Variants in ARHGEF26 observed in about 807,000 individuals in gnomAD.
ARHGEF26 encodes Rho guanine nucleotide exchange factor 26.
In ARHGEF26, 59 loss-of-function variants were observed where a neutral mutation model predicts 89.4. That is an observed-to-expected ratio of 0.66 (90% CI 0.54 to 0.82). The LOEUF (loss-of-function observed/expected upper bound fraction) is 0.82. Among genes scored for constraint, ARHGEF26 ranks in the 40% least tolerant of loss-of-function variants. The pLI is 0.00. For missense variants in ARHGEF26, 1,234 were observed against 1,085.6 expected (o/e 1.14, Z -1.92); for synonymous variants, 500 against 428.4 (o/e 1.17, Z -2.06).
intron 8 of ARHGEF26, among the ~76,000 whole-genome samples, chr3:154,194,182 G>A (rs1221114853): frequency 6.6e-6 from 1 of 152,076 alleles, no homozygotes; most frequent in Non-Finnish European, 1.5e-5. Flanking sequence ...TAATAATAAT[G>A]ATTATAATGG....
chr3:154,132,044 C>T (rs1718709553), intron 4 of ARHGEF26, among the ~76,000 whole-genome samples: 1 of 152,024 alleles, frequency 6.6e-6, no homozygotes, highest in Non-Finnish European at 1.5e-5. Flanking sequence ...TCCCGGGAGG[C>T]TTGTGTGTGT....
rs1044340307 is a variant in ARHGEF26 at position 154,256,567 on chromosome 3, A to C, written c.*1094A>C. Reference sequence around the variant, plus strand: ...ATTAATTAAAAAAAAAAAAAAAAAAAAAAAAAAACCTTCCCAAATGAGCTG... The same window carrying C: ...ATTAATTAAAAAAAAAAAAAAAAAACAAAAAAAACCTTCCCAAATGAGCTG... On this transcript the variant is annotated 3_prime_UTR_variant, in exon 15 of 15. Coordinates refer to ENST00000465093, the MANE Select transcript of ARHGEF26 (RefSeq NM_015595.4). 53 of 1,000,574 alleles carry C rather than the reference A, an allele frequency of 5.3e-5. No individual in the cohort carries two copies. The highest frequency in any genetic ancestry group is 2.3e-4 in the African/African-American group (13 of 56,022). The allele number at this position is 1,000,574 out of a possible 1,614,324, so 62.0% of individuals were successfully genotyped here. A position where few individuals can be genotyped will look rare whatever the true frequency, so the allele number is the denominator to read the frequency against.
intron 10 of ARHGEF26, among the ~76,000 whole-genome samples, chr3:154,220,569 AGT>A (rs1716064364): frequency 6.6e-6 from 1 of 152,192 alleles, no homozygotes; most frequent in East Asian, 1.9e-4. Flanking sequence ...GTAAGCATTC[AGT>A]GTGGGTAGAC....
intron 9 of ARHGEF26, among the ~76,000 whole-genome samples, chr3:154,199,430 G>A (rs1714492686): frequency 6.6e-6 from 1 of 152,078 alleles, no homozygotes; most frequent in African/African-American, 2.4e-5. Context: ...ACTCCATTGT[G>A]TGTATGTACT....
intron 14 of ARHGEF26, 34 bp from the exon 15 acceptor site, chr3:154,255,297 T>C (rs1718428409): frequency 6.3e-7 from 1 of 1,593,422 alleles, no homozygotes; most frequent in South Asian, 1.1e-5. Flanking sequence ...TCCAAATACT[T>C]GTTGTTTGGT....
Position 154,225,931 on chromosome 3 carries a change from C to T in ARHGEF26, c.2011C>T (p.Leu671Phe), listed in dbSNP as rs1206680280. The T allele has an allele frequency of 6.2e-7, 1 of 1,612,546 alleles. No homozygotes were observed. The highest frequency in any genetic ancestry group is 1.7e-5 in the Admixed American group (1 of 59,838). The change falls in exon 11 of 15, where the codon CTT becomes TTT. Residue 671 changes from leucine to phenylalanine, a missense_variant. Leu to Phe is a conservative substitution (Grantham distance 22). Transcript: ENST00000465093. The part of the protein sequence containing the change: ...ELTAYVEDTV[L>F]FSRRTSKQQV... The stretch of plus-strand genomic sequence containing the variant: ...GACAGCCTATGTTGAAGACACTGTG[C>T]TTTTCTCAAGAAGGACATCCAAACA...
intron 12 of ARHGEF26, among the ~76,000 whole-genome samples, chr3:154,243,628 G>T (rs762014128): frequency 1.2e-3 from 184 of 152,206 alleles, no homozygotes; most frequent in Middle Eastern, 3.4e-3. Context: ...AAACCCATAG[G>T]TCTGACTCAT....
At chr3:154,237,575 T>TACACACACACACAC (rs1322838552) in intron 11 of ARHGEF26, among the ~76,000 whole-genome samples, 1 of 58,256 alleles carries the variant, frequency 1.7e-5, no homozygotes, top group East Asian at 9.7e-4. Flanking sequence ...CACACACACT[T>TACACACACACACAC]AACTAGTTTA....
chr3:154,233,170 C>G (rs1440265758), intron 11 of ARHGEF26, among the ~76,000 whole-genome samples: 1 of 152,068 alleles, frequency 6.6e-6, no homozygotes, highest in African/African-American at 2.4e-5. Flanking sequence ...AATCATGGCT[C>G]TACTCTTACC....
chr3:154,160,637 A>G (rs774478478), intron 6 of ARHGEF26, among the ~76,000 whole-genome samples: 2 of 152,182 alleles, frequency 1.3e-5, no homozygotes, highest in Non-Finnish European at 2.9e-5. Context: ...GATCAACCAG[A>G]TTGAAATCCC....
At chr3:154,234,966 G>T (rs558073572) in intron 11 of ARHGEF26, among the ~76,000 whole-genome samples, 203 of 152,040 alleles carry the variant, frequency 1.3e-3, no homozygotes, top group South Asian at 3.3e-3. Flanking sequence ...GTTTCACCGT[G>T]TTATCCAGGA....
intron 2 of ARHGEF26, among the ~76,000 whole-genome samples, chr3:154,123,849 A>G (rs1301154064): frequency 1.3e-5 from 2 of 152,312 alleles, no homozygotes; most frequent in African/African-American, 4.8e-5. Context: ...AGAAACAGGG[A>G]AAACTGAAGA....
chr3:154,134,275 A>T (rs564767720), intron 4 of ARHGEF26, among the ~76,000 whole-genome samples: 170 of 152,242 alleles, frequency 1.1e-3, no homozygotes, highest in African/African-American at 4.0e-3. Flanking sequence ...GCTGATAAAG[A>T]CATCCCTGAG....
At chr3:154,238,271 G>A (rs1717250464) in intron 11 of ARHGEF26, among the ~76,000 whole-genome samples, 3 of 152,166 alleles carry the variant, frequency 2.0e-5, no homozygotes, top group Admixed American at 6.5e-5. Flanking sequence ...CCAAGTGTGG[G>A]TGTGCTGGTC....
chr3:154,202,070 G>A (rs1016167939), intron 9 of ARHGEF26, among the ~76,000 whole-genome samples: 1 of 152,158 alleles, frequency 6.6e-6, no homozygotes, highest in African/African-American at 2.4e-5. Context: ...TAGACATGAA[G>A]TCCTTGCCCA....
chr3:154,219,193 G>A (rs1222432925), intron 10 of ARHGEF26, among the ~76,000 whole-genome samples: 1 of 152,164 alleles, frequency 6.6e-6, no homozygotes, highest in African/African-American at 2.4e-5. Context: ...TATCTGACAA[G>A]TTTGTTTTTT....
chr3:154,145,530 G>A (rs1719646095), intron 4 of ARHGEF26, among the ~76,000 whole-genome samples: 1 of 152,174 alleles, frequency 6.6e-6, no homozygotes, highest in South Asian at 2.1e-4. Context: ...TAAATCTAAT[G>A]TAATTTTTAA....
At chr3:154,247,486 T>C (rs1483021384) in intron 12 of ARHGEF26, among the ~76,000 whole-genome samples, 1 of 152,166 alleles carries the variant, frequency 6.6e-6, no homozygotes. Flanking sequence ...GCCATTCTCC[T>C]CTCCCATCAA....
At chr3:154,157,536 A>G (rs1711498577) in intron 6 of ARHGEF26, among the ~76,000 whole-genome samples, 2 of 152,156 alleles carry the variant, frequency 1.3e-5, no homozygotes, top group African/African-American at 4.8e-5. Flanking sequence ...AGAGAACAGT[A>G]TGGTGTTTGT....
Sources: gnomAD v4.1 joint callset for allele counts (sites outside exome capture counted in the v4.1 genomes callset) on GRCh38, gnomAD v4.1.1 for gene constraint, MANE v1.5 for transcripts, NCBI Gene and HGNC (gene_info 2026-07-23, HGNC 2026-07-21) for gene names.